Variants in SLC8A1 observed in about 807,000 individuals in gnomAD.
SLC8A1 encodes solute carrier family 8 member A1.
SLC8A1 carries 18 observed loss-of-function variants against 68.3 expected under a neutral mutation model. The ratio of observed to expected loss-of-function variants is 0.26; its 90% CI spans 0.18 to 0.39. The LOEUF is 0.39. Among genes scored for constraint, SLC8A1 ranks in the 10% least tolerant of loss-of-function variants. SLC8A1 has a pLI of 1.00. For synonymous variants in SLC8A1, 475 were observed against 415.5 expected, an observed-to-expected ratio of 1.14 and a Z score of -1.74; for missense variants, 985 against 1,156.7, an observed-to-expected ratio of 0.85 and a Z score of 2.15.
chr2:40,323,734 C>T (rs1406428929), intron 2 of SLC8A1, among the ~76,000 whole-genome samples: 5 of 151,926 alleles, frequency 3.3e-5, no homozygotes, highest in Admixed American at 6.6e-5. Context: ...AAACGGCTTC[C>T]GAGAGTGTTT....
chr2:40,271,111 G>A (rs771562505), intron 2 of SLC8A1, among the ~76,000 whole-genome samples: 49 of 152,006 alleles, frequency 3.2e-4, no homozygotes, highest in Non-Finnish European at 6.9e-4. Context: ...ATCACAGTAT[G>A]CCACTCCCGT....
At chr2:40,426,717 AG>A (rs994851328) in intron 2 of SLC8A1, among the ~76,000 whole-genome samples, 32 of 152,178 alleles carry the variant, frequency 2.1e-4, no homozygotes, top group African/African-American at 6.7e-4. Flanking sequence ...AGTTGTTTTA[AG>A]GGCTACCCTT....
intron 2 of SLC8A1, among the ~76,000 whole-genome samples, chr2:40,240,791 T>C (rs555527915): frequency 1.3e-5 from 2 of 152,304 alleles, no homozygotes; most frequent in Non-Finnish European, 2.9e-5. Context: ...GGCAGGAGGA[T>C]TGCATGAACC....
intron 2 of SLC8A1, among the ~76,000 whole-genome samples, chr2:40,372,741 G>A (rs1046240936): frequency 6.6e-5 from 10 of 152,004 alleles, no homozygotes; most frequent in Non-Finnish European, 1.3e-4. Context: ...AGGGAATCTT[G>A]CAGAAGATAC....
intron 2 of SLC8A1, among the ~76,000 whole-genome samples, chr2:40,257,165 T>G (rs2064060538): frequency 6.6e-6 from 1 of 152,174 alleles, no homozygotes; most frequent in Non-Finnish European, 1.5e-5. Context: ...GGGCTTTAGC[T>G]AAATGCATGA....
chr2:40,241,378 T>G (rs2061201873), intron 2 of SLC8A1, among the ~76,000 whole-genome samples: 1 of 151,932 alleles, frequency 6.6e-6, no homozygotes, highest in Non-Finnish European at 1.5e-5. Flanking sequence ...AAAAACTACT[T>G]TATCAGTACT....
intron 2 of SLC8A1, among the ~76,000 whole-genome samples, chr2:40,195,273 A>G (rs1335390808): frequency 6.6e-6 from 1 of 152,086 alleles, no homozygotes; most frequent in Non-Finnish European, 1.5e-5. Context: ...ATTTGATAGT[A>G]AAGTATCTGG....
chr2:40,453,197 G>C (rs151226674), upstream of SLC8A1: 34 of 152,226 alleles, frequency 2.2e-4, no homozygotes, highest in African/African-American at 5.8e-4. Context: ...ATCTGAGGCC[G>C]AATCTGATGC....
At chr2:40,452,403 C>T (rs149106457), upstream of SLC8A1, among the ~76,000 whole-genome samples, 1 of 152,060 alleles carries the variant, frequency 6.6e-6, no homozygotes, top group Non-Finnish European at 1.5e-5. Context: ...GATTTCCTGC[C>T]GGCTCTCGGC....
chr2:40,143,205 A>G (rs1345590722), intron 6 of SLC8A1, among the ~76,000 whole-genome samples: 5 of 152,218 alleles, frequency 3.3e-5, no homozygotes, highest in Non-Finnish European at 5.9e-5. Context: ...TGCATGATGC[A>G]CAATTACCCT....
intron 2 of SLC8A1, among the ~76,000 whole-genome samples, chr2:40,229,246 A>G (rs2059350434): frequency 6.6e-6 from 1 of 152,122 alleles, no homozygotes; most frequent in South Asian, 2.1e-4. Context: ...TGAATGGCTC[A>G]TGACCCTACT....
chr2:40,200,431 A>G (rs1274961078), intron 2 of SLC8A1, among the ~76,000 whole-genome samples: 52 of 148,776 alleles, frequency 3.5e-4, no homozygotes, highest in Non-Finnish European at 3.0e-5. Flanking sequence ...CCAATGCTTA[A>G]GAGTTTTATG....
At chr2:40,258,441 A>C (rs919274647) in intron 2 of SLC8A1, among the ~76,000 whole-genome samples, 4 of 152,182 alleles carry the variant, frequency 2.6e-5, no homozygotes, top group African/African-American at 4.8e-5. Flanking sequence ...GATCTCCTGC[A>C]CCAAGGCTCC....
intron 2 of SLC8A1, among the ~76,000 whole-genome samples, chr2:40,203,755 G>C (rs1021182475): frequency 6.6e-6 from 1 of 151,942 alleles, no homozygotes; most frequent in African/African-American, 2.4e-5. Flanking sequence ...ACCCATGCTA[G>C]AGTGCAGTGA....
chr2:40,231,217 T>C (rs536541238), intron 2 of SLC8A1, among the ~76,000 whole-genome samples: 1 of 152,284 alleles, frequency 6.6e-6, no homozygotes, highest in Admixed American at 6.5e-5. Context: ...AAAAGTGCCA[T>C]GACATGTACA....
chr2:40,238,428 C>T (rs1237351699), intron 2 of SLC8A1, among the ~76,000 whole-genome samples: 2 of 81,740 alleles, frequency 2.4e-5, no homozygotes, highest in Non-Finnish European at 4.8e-5. Context: ...ACCCCTTGCA[C>T]TTCCCAAGTG....
intron 3 of SLC8A1, chr2:40,176,078 C>T (rs909047742): frequency 2.6e-6 from 1 of 390,344 alleles, no homozygotes; most frequent in Non-Finnish European, 5.1e-6. Context: ...TGCTTTAAGC[C>T]CAGAATGTAC....
At chr2:40,247,304 A>G (rs965697191) in intron 2 of SLC8A1, among the ~76,000 whole-genome samples, 20 of 152,196 alleles carry the variant, frequency 1.3e-4, no homozygotes, top group African/African-American at 4.8e-4. Context: ...ATGGTCCTGA[A>G]CAGCCAGGCT....
At chr2:40,447,681 G>T (rs1031270036) in intron 1 of SLC8A1, among the ~76,000 whole-genome samples, 1 of 151,768 alleles carries the variant, frequency 6.6e-6, no homozygotes, top group Non-Finnish European at 1.5e-5. Context: ...TTTTATTAGG[G>T]TCTATTAGAT....
Sources: allele counts gnomAD v4.1 joint callset (sites outside exome capture counted in the v4.1 genomes callset), GRCh38; gene constraint gnomAD v4.1.1; transcripts MANE v1.5; gene names NCBI Gene and HGNC (gene_info 2026-07-23, HGNC 2026-07-21).